The following WWC2 variants were observed in gnomAD, a reference collection of about 807,000 sequenced individuals.
WWC2 encodes the protein WW and C2 domain containing 2.
Under a neutral mutation model 138.5 loss-of-function variants are expected in WWC2, and 101 were observed. That is an observed-to-expected ratio of 0.73 (90% confidence interval 0.62 to 0.86). WWC2 has a LOEUF of 0.86. Among genes scored for constraint, WWC2 ranks in the 40% least tolerant of loss-of-function variants. The pLI is 0.00. For synonymous variants in WWC2, 558 were observed against 538.4 expected (o/e 1.04, Z -0.50); for missense variants, 1,420 against 1,419.4 (o/e 1.00, Z -0.01).
intron 1 of WWC2, among the ~76,000 whole-genome samples, chr4:183,145,605 A>G (rs1441987637): frequency 6.6e-6 from 1 of 152,220 alleles, no homozygotes; most frequent in Non-Finnish European, 1.5e-5. Flanking sequence ...AGTGCTAAGC[A>G]GCTGGAGCAA....
At chr4:183,101,395 A>G (rs1485433819) in intron 1 of WWC2, among the ~76,000 whole-genome samples, 1 of 152,228 alleles carries the variant, frequency 6.6e-6, no homozygotes, top group African/African-American at 2.4e-5. Flanking sequence ...ATTATGAACT[A>G]TTTTCAGGAA....
At chr4:183,154,778 A>T (rs1733747993) in intron 1 of WWC2, among the ~76,000 whole-genome samples, 1 of 152,060 alleles carries the variant, frequency 6.6e-6, no homozygotes. Flanking sequence ...GCCTAGGAGG[A>T]TAGTAGATAT....
intron 1 of WWC2, among the ~76,000 whole-genome samples, chr4:183,170,836 T>A (rs1734255718): frequency 9.1e-6 from 1 of 110,188 alleles, no homozygotes; most frequent in African/African-American, 3.5e-5. Context: ...GGGACTACAC[T>A]AGCTAATTAA....
chr4:183,236,334 C>T (rs766400998), intron 4 of WWC2, among the ~76,000 whole-genome samples: 7 of 152,066 alleles, frequency 4.6e-5, no homozygotes, highest in Non-Finnish European at 7.4e-5. Flanking sequence ...GTGAATCGGG[C>T]GGCCCCCAGA....
chr4:183,219,931 A>G (rs1735874066), intron 4 of WWC2, among the ~76,000 whole-genome samples: 1 of 152,124 alleles, frequency 6.6e-6, no homozygotes, highest in Non-Finnish European at 1.5e-5. Flanking sequence ...TCTGGGTGGT[A>G]GAGAAATTAT....
intron 1 of WWC2, among the ~76,000 whole-genome samples, chr4:183,182,858 A>G (rs576503499): frequency 2.0e-5 from 3 of 152,366 alleles, no homozygotes; most frequent in Admixed American, 6.5e-5. Context: ...TGCATATACT[A>G]TTACTTCTGT....
intron 4 of WWC2, among the ~76,000 whole-genome samples, chr4:183,217,217 A>G (rs963450956): frequency 4.7e-4 from 71 of 152,344 alleles, no homozygotes; most frequent in African/African-American, 1.6e-3. Context: ...GCCAGTATCT[A>G]GTCAGAATTT....
chr4:183,113,519 C>CGT (rs1554064979), intron 1 of WWC2, among the ~76,000 whole-genome samples: 3 of 142,606 alleles, frequency 2.1e-5, no homozygotes, highest in South Asian at 2.2e-4. Context: ...TGTGTGTGCG[C>CGT]GCGCGTGCGC....
Position 183,301,181 on chromosome 4 carries a change from T to C in WWC2, c.3385-11160T>C, listed in dbSNP as rs376866336. Among the ~76,000 whole-genome samples, 22 of 152,338 alleles carry C rather than the reference T, an allele frequency of 1.4e-4. No individual in the cohort carries two copies. The East Asian group carries it at 3.5e-3, about 24-fold the overall frequency. On this transcript the variant is annotated intron_variant, in intron 21 of 22. Transcript: ENST00000403733. The stretch of plus-strand genomic sequence containing the variant: ...AGTAATTTGACATACCATAGCAAGA[T>C]AGAAGTCATTTCTCAGTGTGTACTA...
In WWC2 at chr4:183,164,624, A is replaced by C. The variant is rs1734083764; in HGVS notation, c.132-28975A>C. ...TGATATGAATGGCTTTGAAACCAGCAGCAGAGAAGTAGGTCCTTTCCTGTG... is the reference window on the plus strand; with the variant it reads ...TGATATGAATGGCTTTGAAACCAGCCGCAGAGAAGTAGGTCCTTTCCTGTG... On this transcript the variant is annotated intron_variant, in intron 1 of 22. Transcript: ENST00000403733. Among the ~76,000 whole-genome samples the C allele has an allele frequency of 2.6e-5, 4 of 151,980 alleles. No homozygotes were observed. The South Asian group carries it at 8.3e-4, about 32-fold the overall frequency.
At chr4:183,201,713 G>A (rs1231156521) in intron 2 of WWC2, among the ~76,000 whole-genome samples, 1 of 152,178 alleles carries the variant, frequency 6.6e-6, no homozygotes, top group African/African-American at 2.4e-5. Context: ...TACTTCGTTG[G>A]GCTGCATTAA....
At chr4:183,133,019 T>A (rs1346499582) in intron 1 of WWC2, among the ~76,000 whole-genome samples, 1 of 140,886 alleles carries the variant, frequency 7.1e-6, no homozygotes, top group Non-Finnish European at 1.5e-5. Context: ...TCTTTTTCCC[T>A]TCCCTTTTTT....
chr4:183,251,622 C>T (rs1358573128), intron 8 of WWC2, among the ~76,000 whole-genome samples: 1 of 152,154 alleles, frequency 6.6e-6, no homozygotes, highest in Non-Finnish European at 1.5e-5. Flanking sequence ...AAATAATAAA[C>T]GGGCGCCTCT....
At chr4:183,187,765 T>C (rs28422859) in intron 1 of WWC2, among the ~76,000 whole-genome samples, 150,565 of 151,168 alleles carry the variant, frequency 1, 74,984 homozygotes, top group Middle Eastern at 1. Flanking sequence ...CCTAGCTACT[T>C]GGGAGGCTGA....
At position 183,261,063 on chromosome 4, in the gene WWC2, G is replaced by A; in HGVS notation, c.1440G>A (p.Val480=). ...YYSSQSDQID[V]DYQYKLDFLL... Reference sequence around the variant, plus strand: ...GCAGTCAAAGTGATCAGATAGATGTGGATTATCAGTATAAACTGGACTTCC... The same window carrying A: ...GCAGTCAAAGTGATCAGATAGATGTAGATTATCAGTATAAACTGGACTTCC... Residue 480 remains valine (V), a synonymous_variant, in exon 11 of 23, where the codon GTG becomes GTA. Coordinates refer to ENST00000403733, the MANE Select transcript of WWC2 (RefSeq NM_024949.6). The A allele has an allele frequency of 6.2e-7, 1 of 1,613,946 alleles. No individual in the cohort carries two copies. The highest frequency in any genetic ancestry group is 8.5e-7 in the Non-Finnish European group (1 of 1,179,886).
intron 1 of WWC2, among the ~76,000 whole-genome samples, chr4:183,112,675 T>C (rs1732271959): frequency 6.6e-6 from 1 of 152,174 alleles, no homozygotes; most frequent in African/African-American, 2.4e-5. Flanking sequence ...ATATTCTACT[T>C]TGGGGAAGGC....
chr4:183,289,802 T>C (rs1452130817), intron 21 of WWC2, among the ~76,000 whole-genome samples, 167 bp downstream of exon 21: 2 of 151,920 alleles, frequency 1.3e-5, no homozygotes, highest in Non-Finnish European at 2.9e-5. Flanking sequence ...TTTTTTTTTT[T>C]TCCAAACCAA....
chr4:183,313,423 G>T (rs991252284), intron 22 of WWC2, among the ~76,000 whole-genome samples: 4 of 152,050 alleles, frequency 2.6e-5, no homozygotes, highest in Non-Finnish European at 5.9e-5. Flanking sequence ...TGGGAGGTTT[G>T]TGGGGGGCAG....
intron 1 of WWC2, among the ~76,000 whole-genome samples, chr4:183,120,667 C>T (rs1732569468): frequency 6.6e-6 from 1 of 152,110 alleles, no homozygotes; most frequent in African/African-American, 2.4e-5. Context: ...CCCTAAATTT[C>T]TGTTAATATT....
Sources: allele counts gnomAD v4.1 joint callset (sites outside exome capture counted in the v4.1 genomes callset), GRCh38; gene constraint gnomAD v4.1.1; transcripts MANE v1.5; gene names NCBI Gene and HGNC (gene_info 2026-07-23, HGNC 2026-07-21).